DAB1: variants seen among roughly 807,000 people sequenced by gnomAD.
The protein encoded by DAB1 is disabled homolog 1.
A neutral mutation model predicts 64.6 loss-of-function variants in DAB1; 15 were observed. The ratio of observed to expected loss-of-function variants is 0.23; its 90% CI spans 0.16 to 0.36. The LOEUF (loss-of-function observed/expected upper bound fraction) is 0.36, where lower values mean the gene tolerates loss of function less well. DAB1 is among the 10% of genes least tolerant of loss of function. DAB1 has a pLI of 1.00. For synonymous variants in DAB1, 235 were observed against 251.9 expected (o/e 0.93, Z 0.64); for missense variants, 596 against 706.7 (o/e 0.84, Z 1.78).
intron 3 of DAB1, among the ~76,000 whole-genome samples, chr1:58,363,984 C>A (rs143888636): frequency 6.6e-6 from 1 of 152,188 alleles, no homozygotes; most frequent in Non-Finnish European, 1.5e-5. Flanking sequence ...GGTAGCTCTA[C>A]GCCTAGAGGT....
intron 4 of DAB1, among the ~76,000 whole-genome samples, chr1:58,297,134 G>T (rs1391541436): frequency 1.3e-5 from 2 of 152,160 alleles, no homozygotes; most frequent in African/African-American, 4.8e-5. Context: ...CCTTGAAATG[G>T]AAGCTTAATA....
At chr1:58,245,136 T>C (rs1660472891) in intron 4 of DAB1, among the ~76,000 whole-genome samples, 1 of 152,140 alleles carries the variant, frequency 6.6e-6, no homozygotes, top group African/African-American at 2.4e-5. Flanking sequence ...GAAAAGAGTA[T>C]CTCTTAACGA....
At chr1:57,415,167 T>C (rs994354288) in intron 1 of DAB1, among the ~76,000 whole-genome samples, 1 of 151,900 alleles carries the variant, frequency 6.6e-6, no homozygotes, top group Non-Finnish European at 1.5e-5. Flanking sequence ...CTAAAACATA[T>C]GCTTAGAAAT....
At chr1:57,121,408 T>A (rs1032842609) in intron 4 of DAB1, among the ~76,000 whole-genome samples, 2 of 151,964 alleles carry the variant, frequency 1.3e-5, no homozygotes, top group Non-Finnish European at 2.9e-5. Flanking sequence ...TTTTGGTATC[T>A]GCACAGGGCA....
At chr1:58,229,379 A>G (rs1377741246) in intron 4 of DAB1, among the ~76,000 whole-genome samples, 1 of 152,208 alleles carries the variant, frequency 6.6e-6, no homozygotes, top group Non-Finnish European at 1.5e-5. Context: ...ACAGAATTTT[A>G]GACCTGGGAA....
chr1:58,048,022 C>T, intron 5 of DAB1: 1 of 635,352 alleles, frequency 1.6e-6, no homozygotes, highest in South Asian at 1.6e-5. Context: ...AAGTTTTTTG[C>T]CCATATACAT....
intron 4 of DAB1, among the ~76,000 whole-genome samples, chr1:58,330,942 GA>G (rs774035283): frequency 6.6e-6 from 1 of 152,166 alleles, no homozygotes; most frequent in African/African-American, 2.4e-5. Flanking sequence ...GTCCATTGAT[GA>G]AGGAATGATT....
chr1:58,138,543 G>T (rs1469574160), intron 5 of DAB1, among the ~76,000 whole-genome samples: 1 of 152,174 alleles, frequency 6.6e-6, no homozygotes, highest in East Asian at 1.9e-4. Context: ...TGAGTTTGAG[G>T]TTTGTGCACT....
rs1553157684 is a variant in DAB1 at position 58,072,085 on chromosome 1, T to TTG, written n.387+78425_387+78426insCA. ...GGGATAGCAAACATTATTGGTGGGG[T>TTG]GGGGGGGGGTGGGTAGTAGGGAAGG... On this transcript the variant is annotated intron_variant and non_coding_transcript_variant, in intron 5 of 20. Coordinates refer to the DAB1 transcript ENST00000485760. 9.2e-4 allele frequency among the ~76,000 whole-genome samples: 76 copies of TTG among 82,246 alleles called. 1 individual carries two copies. In the South Asian group the frequency reaches 0.017, roughly 18 times the overall value. The allele number at this position is 82,246 out of a possible 152,430, so 54.0% of individuals were successfully genotyped here.
chr1:57,332,726 C>T (rs1441979872), intron 1 of DAB1, among the ~76,000 whole-genome samples: 1 of 152,010 alleles, frequency 6.6e-6, no homozygotes, highest in Non-Finnish European at 1.5e-5. Flanking sequence ...TTACCCATGC[C>T]CAATAGATTT....
chr1:57,187,173 C>T (rs1012546722), intron 2 of DAB1, among the ~76,000 whole-genome samples: 2 of 152,112 alleles, frequency 1.3e-5, no homozygotes, highest in African/African-American at 2.4e-5. Context: ...TTATAAACAC[C>T]TTGAATCTTA....
At chr1:58,113,790 G>A (rs1652134481) in intron 5 of DAB1, among the ~76,000 whole-genome samples, 1 of 152,144 alleles carries the variant, frequency 6.6e-6, no homozygotes, top group Non-Finnish European at 1.5e-5. Context: ...GAGGAAGGCT[G>A]TTTTCAGTAG....
intron 6 of DAB1, among the ~76,000 whole-genome samples, chr1:57,807,637 T>C (rs1338068031): frequency 2.0e-5 from 3 of 152,172 alleles, no homozygotes; most frequent in Non-Finnish European, 4.4e-5. Context: ...TTGAACCACA[T>C]AAATTCAAAT....
At chr1:58,512,059 C>CA (rs1226992415) in intron 2 of DAB1, among the ~76,000 whole-genome samples, 8 of 151,988 alleles carry the variant, frequency 5.3e-5, no homozygotes, top group Non-Finnish European at 8.8e-5. Flanking sequence ...AACTCAATAG[C>CA]AAAAAACCCA....
At chr1:57,647,149 G>A (rs1290029785) in intron 7 of DAB1, among the ~76,000 whole-genome samples, 3 of 152,152 alleles carry the variant, frequency 2.0e-5, no homozygotes, top group African/African-American at 7.2e-5. Flanking sequence ...CAGGGCTACT[G>A]AAGCCTGGAA....
chr1:57,529,526 A>C (rs1280088104), intron 7 of DAB1, among the ~76,000 whole-genome samples: 1 of 152,090 alleles, frequency 6.6e-6, no homozygotes, highest in Non-Finnish European at 1.5e-5. Context: ...AAATTGAAAG[A>C]ATGAAAAGCT....
intron 4 of DAB1, among the ~76,000 whole-genome samples, chr1:58,230,260 G>A (rs777442568): frequency 6.6e-6 from 1 of 152,140 alleles, no homozygotes; most frequent in Non-Finnish European, 1.5e-5. Flanking sequence ...AGCTGGTCTG[G>A]GAATAAAACA....
intron 1 of DAB1, among the ~76,000 whole-genome samples, chr1:57,391,719 C>T (rs971748973): frequency 2.0e-5 from 3 of 151,284 alleles, no homozygotes; most frequent in Non-Finnish European, 4.4e-5. Flanking sequence ...CAATGTTGCC[C>T]TAATCCATCT....
chr1:57,392,972 G>A (rs573584513), intron 1 of DAB1, among the ~76,000 whole-genome samples: 29 of 152,244 alleles, frequency 1.9e-4, no homozygotes, highest in African/African-American at 6.7e-4. Flanking sequence ...GGTGCCAGTC[G>A]GCCCCGGCTC....
Sources: allele counts gnomAD v4.1 joint callset (sites outside exome capture counted in the v4.1 genomes callset), GRCh38; gene constraint gnomAD v4.1.1; transcripts MANE v1.5; gene names NCBI Gene and HGNC (gene_info 2026-07-23, HGNC 2026-07-21).